The following PNPLA6 variants were observed in gnomAD, a reference collection of about 807,000 sequenced individuals.
The protein encoded by PNPLA6 is patatin like domain 6, lysophospholipase.
In PNPLA6, 105 loss-of-function variants were observed where a neutral mutation model predicts 153.7. The ratio of observed to expected loss-of-function variants is 0.68; its 90% CI spans 0.58 to 0.80. The LOEUF is 0.80. Ranked by LOEUF, PNPLA6 falls within the 30% of genes least tolerant of loss-of-function variation. The probability of loss-of-function intolerance (pLI) is 0.00; values close to 1 mark genes in which losing one functional copy is unlikely to be tolerated. For missense variants in PNPLA6, 1,423 were observed against 1,919.3 expected (o/e 0.74, Z 4.83); for synonymous variants, 825 against 822.2 (o/e 1.00, Z -0.06).
Position 7,542,553 on chromosome 19 carries a change from G to C in PNPLA6, c.1253-8G>C. The C allele has an allele frequency of 6.2e-7, 1 of 1,607,548 alleles. No individual in the cohort carries two copies. Among genetic ancestry groups the C allele is most frequent in the Non-Finnish European group, 8.5e-7 (1 of 1,174,280 alleles). On this transcript the variant is annotated splice_region_variant and splice_polypyrimidine_tract_variant and intron_variant, in intron 10 of 31. Transcript: ENST00000600737. ...TATGGTTTTTGTTGCCCCCCTGCCTGCCTGCAGGCTTGCAGGGTGGCCCCC... is the reference window on the plus strand; with the variant it reads ...TATGGTTTTTGTTGCCCCCCTGCCTCCCTGCAGGCTTGCAGGGTGGCCCCC...
In PNPLA6 at chr19:7,541,272, T is replaced by G; in HGVS notation, c.925-82T>G. 7.7e-7 allele frequency: 1 copy of G among 1,297,950 alleles called. No homozygotes were observed. Among genetic ancestry groups the G allele is most frequent in the South Asian group, 1.2e-5 (1 of 81,352 alleles). 80.4% of individuals were successfully genotyped at this position (1,297,950 alleles called of 1,614,324 possible). A position where few individuals can be genotyped will look rare whatever the true frequency, so the allele number is the denominator to read the frequency against. Reference sequence around the variant, plus strand: ...TCCCTGGTTCCCGCCCGACCCCTTATGCTGCGAACTAGCCCGGCCCACCAT... The same window carrying G: ...TCCCTGGTTCCCGCCCGACCCCTTAGGCTGCGAACTAGCCCGGCCCACCAT... On this transcript the variant is annotated intron_variant, in intron 7 of 31. Coordinates refer to ENST00000600737, the MANE Select transcript of PNPLA6 (RefSeq NM_001166114.2). This position sits in a 1 kb window ranked among gnomAD's most constrained non-coding sequence, Gnocchi z 5.2.
Position 7,555,216 on chromosome 19 carries a change from G to A in PNPLA6, c.2818-33G>A. On this transcript the variant is annotated intron_variant, in intron 22 of 31. Transcript: ENST00000600737. This position sits in a 1 kb window ranked among gnomAD's most constrained non-coding sequence, Gnocchi z 6.3. ...GGGATCCGCCGGACCCCGCCCTCAT[G>A]CTCCTGGGTCGCGACTATCTCCCCC... 1.3e-6 allele frequency: 2 copies of A among 1,563,224 alleles called. No homozygotes were observed. The highest frequency in any genetic ancestry group is 1.1e-5 in the South Asian group (1 of 87,014).
At position 7,561,621 on chromosome 19, in the gene PNPLA6, C is replaced by A. The variant is rs779729052; in HGVS notation, c.*59C>A. ...CCCTGGACTGGGCTGGGGGTGGCCC[C>A]GTGGGGGTAGCTCACTCCCCCTCCT... On this transcript the variant is annotated 3_prime_UTR_variant, in exon 32 of 32. Transcript: ENST00000600737. The A allele has an allele frequency of 1.6e-6, 2 of 1,243,996 alleles. No individual in the cohort carries two copies. The highest frequency in any genetic ancestry group is 2.5e-5 in the East Asian group (1 of 39,832). The allele number at this position is 1,243,996 out of a possible 1,614,324, so 77.1% of individuals were successfully genotyped here.
chr19:7,560,339 A>G (rs2024048269), intron 28 of PNPLA6, among the ~76,000 whole-genome samples: 1 of 152,148 alleles, frequency 6.6e-6, no homozygotes, highest in East Asian at 1.9e-4. Context: ...CGACATCCAC[A>G]GATGTACTGC....
At position 7,556,795 on chromosome 19, in the gene PNPLA6, C is replaced by A. The variant is rs535735084; in HGVS notation, c.3280+71C>A. The A allele has an allele frequency of 6.1e-5, 68 of 1,122,680 alleles. No homozygotes were observed. In the Admixed American group the frequency reaches 9.3e-4, roughly 15 times the overall value. 69.5% of individuals were successfully genotyped at this position (1,122,680 alleles called of 1,614,324 possible). On this transcript the variant is annotated intron_variant, in intron 26 of 31. Transcript: ENST00000600737. ...GGTTGGGGGGATGCTTCCGGGAGGG[C>A]CGCTGAGCTTCTGGGACGTTGTTAA... is the stretch of plus-strand genomic sequence containing the variant.
At position 7,557,045 on chromosome 19, in the gene PNPLA6, C is replaced by T. The variant is rs2146110016; in HGVS notation, c.3281-123C>T. 21 of 856,092 alleles carry T rather than the reference C, an allele frequency of 2.5e-5. 1 individual carries two copies. In the South Asian group the frequency reaches 2.6e-4, roughly 11 times the overall value. 53.0% of individuals were successfully genotyped at this position (856,092 alleles called of 1,614,324 possible). ...CACTGTGCGACCCCAAGGACGGGCA[C>T]CTGCTGGTGGACGGGTGCTACGTTA... On this transcript the variant is annotated intron_variant, in intron 26 of 31. Transcript: ENST00000600737.
In PNPLA6 at chr19:7,540,738, G is replaced by A. The variant is rs757194369; in HGVS notation, c.795+28G>A. The A allele has an allele frequency of 6.3e-6, 10 of 1,587,276 alleles. No homozygotes were observed. The South Asian group carries it at 8.8e-5, about 14-fold the overall frequency. ...GAGTGACCAGTTTCTGAGGCAGGGG[G>A]GCTGGGGTGCAAGGTCCCACCCAAG... On this transcript the variant is annotated intron_variant, in intron 6 of 31. Coordinates refer to ENST00000600737, the MANE Select transcript of PNPLA6 (RefSeq NM_001166114.2). The surrounding 1 kb of genome is among the most constrained non-coding windows in gnomAD (Gnocchi z 6.8).
chr19:7,559,144 A>T lies in PNPLA6; in HGVS notation c.3692A>T (p.Gln1231Leu). 1 of 1,614,128 alleles carries T rather than the reference A, an allele frequency of 6.2e-7. No homozygotes were observed. ...ACCATGGACTTTGGGAAGTTCGACC[A>T]GATCTATGTGAGTGGGCAGGAGTGG... is the stretch of plus-strand genomic sequence containing the variant. Reference protein sequence around the residue: ...FKTMDFGKFDQIYDVGYQYGK... With the variant: ...FKTMDFGKFDLIYDVGYQYGK... Residue 1231 changes from glutamine (Q) to leucine (L), a missense_variant, in exon 28 of 32, where the codon CAG (glutamine) becomes CTG (leucine). Gln to Leu is a moderately radical substitution (Grantham distance 113). Around this residue, in one of 10 missense-constraint regions of PNPLA6, gnomAD observed 643 missense variants for 835.2 expected, o/e 0.77. Coordinates refer to ENST00000600737, the MANE Select transcript of PNPLA6 (RefSeq NM_001166114.2).
rs1423536898 is a variant in PNPLA6 at position 7,555,404 on chromosome 19, G to C, written c.2936+37G>C. 2.8e-6 allele frequency: 4 copies of C among 1,443,464 alleles called. No individual in the cohort carries two copies. The highest frequency in any genetic ancestry group is 3.8e-6 in the Non-Finnish European group (4 of 1,058,126). The allele number at this position is 1,443,464 out of a possible 1,614,324, so 89.4% of individuals were successfully genotyped here. Reference sequence around the variant, plus strand: ...GCTTGCTCTCTGGGGGCGGGGCCTGGATGTCCGAGGGTGGAGCTTCCTGGG... The same window carrying C: ...GCTTGCTCTCTGGGGGCGGGGCCTGCATGTCCGAGGGTGGAGCTTCCTGGG... On this transcript the variant is annotated intron_variant, in intron 23 of 31. Transcript: ENST00000600737. The surrounding 1 kb of genome is among the most constrained non-coding windows in gnomAD (Gnocchi z 6.3).
intron 13 of PNPLA6, among the ~76,000 whole-genome samples, chr19:7,545,181 C>T (rs1428932755): frequency 6.6e-6 from 1 of 152,120 alleles, no homozygotes; most frequent in East Asian, 1.9e-4. Context: ...CACGTGCCAC[C>T]ACGCCTGGCT....
At position 7,555,228 on chromosome 19, in the gene PNPLA6, C is replaced by T. The variant is rs1345745609; in HGVS notation, c.2818-21C>T. 3.8e-6 allele frequency: 6 copies of T among 1,577,554 alleles called. No individual in the cohort carries two copies. The South Asian group carries it at 5.7e-5, about 15-fold the overall frequency. On this transcript the variant is annotated intron_variant, in intron 22 of 31. Transcript: ENST00000600737. This position sits in a 1 kb window ranked among gnomAD's most constrained non-coding sequence, Gnocchi z 6.3. ...ACCCCGCCCTCATGCTCCTGGGTCG[C>T]GACTATCTCCCCCATCCCAGCATGA...
Position 7,540,835 on chromosome 19 carries a change from G to C in PNPLA6, c.796-88G>C, listed in dbSNP as rs969612307. On this transcript the variant is annotated intron_variant, in intron 6 of 31. Transcript: ENST00000600737. The surrounding 1 kb of genome is among the most constrained non-coding windows in gnomAD (Gnocchi z 6.8). ...CGTTATGCTGCCGATGGCCCCTCAC[G>C]GGACTGGCGCCAGGAAGGATTAGGG... 3.8e-6 allele frequency: 6 copies of C among 1,590,646 alleles called. No individual in the cohort carries two copies. Among genetic ancestry groups the C allele is most frequent in the Admixed American group, 3.3e-5 (2 of 59,886 alleles).
Position 7,541,905 on chromosome 19 carries a change from C to A in PNPLA6, c.1169-79C>A. The A allele has an allele frequency of 2.3e-6, 3 of 1,307,998 alleles. No individual in the cohort carries two copies. Among genetic ancestry groups the A allele is most frequent in the Non-Finnish European group, 3.3e-6 (3 of 911,814 alleles). 81.0% of individuals were successfully genotyped at this position (1,307,998 alleles called of 1,614,324 possible). A position where few individuals can be genotyped will look rare whatever the true frequency, so the allele number is the denominator to read the frequency against. Reference sequence around the variant, plus strand: ...TTGCTTTAACTAGTTAATCAGTCGCCAGCATCTCCTTATCTCCCAACCTGC... The same window carrying A: ...TTGCTTTAACTAGTTAATCAGTCGCAAGCATCTCCTTATCTCCCAACCTGC... On this transcript the variant is annotated intron_variant, in intron 9 of 31. Transcript: ENST00000600737. The surrounding 1 kb of genome is among the most constrained non-coding windows in gnomAD (Gnocchi z 5.2).
In PNPLA6 at chr19:7,535,734, G is replaced by C; in HGVS notation, c.-55G>C. On this transcript the variant is annotated 5_prime_UTR_variant, in exon 1 of 32. Coordinates refer to ENST00000600737, the MANE Select transcript of PNPLA6 (RefSeq NM_001166114.2). This position sits in a 1 kb window ranked among gnomAD's most constrained non-coding sequence, Gnocchi z 5.0. ...CCCGGCATGCACTGCGGGCCGCCGG[G>C]CCTCAGGGAAGAGTCGCGCCCCCGG... 1 of 1,519,104 alleles carries C rather than the reference G, an allele frequency of 6.6e-7. No homozygotes were observed. Among genetic ancestry groups the C allele is most frequent in the Non-Finnish European group, 8.8e-7 (1 of 1,133,242 alleles). The allele number at this position is 1,519,104 out of a possible 1,614,324, so 94.1% of individuals were successfully genotyped here. A position where few individuals can be genotyped will look rare whatever the true frequency, so the allele number is the denominator to read the frequency against.
chr19:7,554,357 T>C, intron 20 of PNPLA6, 85 bp downstream of exon 20: 2 of 1,362,404 alleles, frequency 1.5e-6, no homozygotes, highest in South Asian at 1.2e-5. Context: ...AGTTCTTGGC[T>C]TCCAACCACG....
chr19:7,538,465 G>GAGCC (rs2022976073), intron 3 of PNPLA6, among the ~76,000 whole-genome samples: 1 of 152,174 alleles, frequency 6.6e-6, no homozygotes, highest in Non-Finnish European at 1.5e-5. Flanking sequence ...TTACAGGCAT[G>GAGCC]AGCCACCACG....
At position 7,553,796 on chromosome 19, in the gene PNPLA6, A is replaced by G. The variant is rs113123206; in HGVS notation, c.2261-79A>G. 1,477 of 1,564,190 alleles carry G rather than the reference A, an allele frequency of 9.4e-4. 18 individuals are homozygous for G. In the African/African-American group the frequency reaches 0.018, roughly 19 times the overall value. ...GCAAGAATTTCAGATAAGGAGGAAGAGGAAGAAGAGGAGGAGGAGGGTTCA... is the reference window on the plus strand; with the variant it reads ...GCAAGAATTTCAGATAAGGAGGAAGGGGAAGAAGAGGAGGAGGAGGGTTCA... On this transcript the variant is annotated intron_variant, in intron 18 of 31. Transcript: ENST00000600737.
Position 7,542,799 on chromosome 19 carries a change from C to G in PNPLA6, c.1401C>G (p.Ala467=), listed in dbSNP as rs1320367974. 7 of 1,613,086 alleles carry G rather than the reference C, an allele frequency of 4.3e-6. No individual in the cohort carries two copies. In the Admixed American group the frequency reaches 1.2e-4, roughly 27 times the overall value. The change falls in exon 12 of 32, where the codon GCC becomes GCG. Residue 467 remains alanine, a synonymous_variant. Transcript: ENST00000600737. ...AGCCTCGTGAGCAGCCGGCAGGCGCCTGTGAATACAGCTACTGTGAGGATG... is the reference window on the plus strand; with the variant it reads ...AGCCTCGTGAGCAGCCGGCAGGCGCGTGTGAATACAGCTACTGTGAGGATG... ...TQEPREQPAG[A]CEYSYCEDES... is the part of the protein sequence containing the mutation.
In PNPLA6 at chr19:7,542,688, G is replaced by T. The variant is rs1283360584; in HGVS notation, c.1362+18G>T. 1 of 1,612,056 alleles carries T rather than the reference G, an allele frequency of 6.2e-7. No individual in the cohort carries two copies. Among genetic ancestry groups the T allele is most frequent in the African/African-American group, 1.3e-5 (1 of 75,030 alleles). Reference sequence around the variant, plus strand: ...CCGCTCGGGTAAGGCTTGGGACCCTGCCCGGTGGTGGAGCCCGCAGGGGAA... The same window carrying T: ...CCGCTCGGGTAAGGCTTGGGACCCTTCCCGGTGGTGGAGCCCGCAGGGGAA... On this transcript the variant is annotated intron_variant, in intron 11 of 31. Coordinates refer to ENST00000600737, the MANE Select transcript of PNPLA6 (RefSeq NM_001166114.2).
Sources: allele counts gnomAD v4.1 joint callset (sites outside exome capture counted in the v4.1 genomes callset), GRCh38; gene constraint gnomAD v4.1.1; regional missense constraint gnomAD v4.1.1; non-coding constraint Gnocchi (gnomAD v3.1); transcripts MANE v1.5; gene names NCBI Gene and HGNC (gene_info 2026-07-23, HGNC 2026-07-21).